PHACTR1: variants seen among roughly 807,000 people sequenced by gnomAD.
The protein encoded by PHACTR1 is phosphatase and actin regulator 1, also known as RPEL repeat containing 1.
In PHACTR1, 16 loss-of-function variants were observed where a neutral mutation model predicts 69.2. The ratio of observed to expected loss-of-function variants is 0.23; its 90% CI spans 0.16 to 0.35. The LOEUF is 0.35. PHACTR1 is among the 10% of genes least tolerant of loss of function. PHACTR1 has a pLI of 1.00. For missense variants in PHACTR1, 510 were observed against 734.7 expected, an observed-to-expected ratio of 0.69 and a Z score of 3.54; for synonymous variants, 312 against 284.5, an observed-to-expected ratio of 1.10 and a Z score of -0.97.
At chr6:12,841,299 C>G (rs368399898) in intron 4 of PHACTR1, among the ~76,000 whole-genome samples, 1 of 152,182 alleles carries the variant, frequency 6.6e-6, no homozygotes, top group East Asian at 1.9e-4. Context: ...TTGTCTCTTC[C>G]TTTTTGTTGT....
intron 8 of PHACTR1, among the ~76,000 whole-genome samples, chr6:13,218,799 G>A (rs1166815627): frequency 2.7e-5 from 4 of 148,656 alleles, no homozygotes; most frequent in Non-Finnish European, 5.9e-5. Context: ...GAAGGAGGAG[G>A]AGAAGAAGAA....
At chr6:12,821,011 T>C (rs1776142966) in intron 4 of PHACTR1, among the ~76,000 whole-genome samples, 1 of 152,218 alleles carries the variant, frequency 6.6e-6, no homozygotes, top group Non-Finnish European at 1.5e-5. Context: ...ATTTTCTTAC[T>C]GAAAAACCTG....
chr6:13,252,849 T>C (rs546163558), intron 10 of PHACTR1, among the ~76,000 whole-genome samples: 1 of 152,310 alleles, frequency 6.6e-6, no homozygotes, highest in South Asian at 2.1e-4. Context: ...ATGAGACTTT[T>C]ATTAAAGGAG....
intron 4 of PHACTR1, among the ~76,000 whole-genome samples, chr6:12,764,188 G>C (rs2127615438): frequency 6.6e-6 from 1 of 152,312 alleles, no homozygotes; most frequent in Non-Finnish European, 1.5e-5. Flanking sequence ...AGAAGGAAAT[G>C]AGAATCTTGC....
intron 4 of PHACTR1, among the ~76,000 whole-genome samples, chr6:12,902,199 G>A (rs1785273857): frequency 6.6e-6 from 1 of 152,152 alleles, no homozygotes; most frequent in African/African-American, 2.4e-5. Flanking sequence ...GAGGGAGGTG[G>A]ATCACCTGAT....
chr6:13,190,042 T>TTTA (rs1554150971), intron 7 of PHACTR1, among the ~76,000 whole-genome samples: 3 of 146,582 alleles, frequency 2.0e-5, no homozygotes, highest in East Asian at 2.0e-4. Context: ...TTTTTTTTTT[T>TTTA]AAAACAGTTT....
At chr6:13,101,142 T>C (rs1294889508) in intron 5 of PHACTR1, among the ~76,000 whole-genome samples, 2 of 152,212 alleles carry the variant, frequency 1.3e-5, no homozygotes, top group African/African-American at 4.8e-5. Context: ...TGGCTTATGG[T>C]TCTGGAGGCT....
intron 8 of PHACTR1, among the ~76,000 whole-genome samples, chr6:13,211,942 T>G (rs1766911312): frequency 6.6e-6 from 1 of 152,234 alleles, no homozygotes; most frequent in Non-Finnish European, 1.5e-5. Context: ...AATGCGTGAC[T>G]TAGATGACAG....
chr6:12,831,180 T>A (rs189446507), intron 4 of PHACTR1, among the ~76,000 whole-genome samples: 123 of 152,344 alleles, frequency 8.1e-4, no homozygotes, highest in Non-Finnish European at 1.4e-3. Flanking sequence ...TAGTAGTTGC[T>A]CAAGAAATAT....
intron 10 of PHACTR1, among the ~76,000 whole-genome samples, chr6:13,257,957 A>C (rs565992073): frequency 1.3e-5 from 2 of 152,172 alleles, no homozygotes; most frequent in Non-Finnish European, 2.9e-5. Flanking sequence ...GAGAGCACCC[A>C]GGTGATGCTG....
At chr6:12,955,394 G>T (rs941906026) in intron 4 of PHACTR1, among the ~76,000 whole-genome samples, 1 of 151,714 alleles carries the variant, frequency 6.6e-6, no homozygotes, top group African/African-American at 2.4e-5. Flanking sequence ...TTATAGCAAC[G>T]GGGTCTTGCT....
At chr6:13,122,908 C>T (rs543122658) in intron 5 of PHACTR1, among the ~76,000 whole-genome samples, 3 of 152,296 alleles carry the variant, frequency 2.0e-5, no homozygotes, top group African/African-American at 7.2e-5. Flanking sequence ...TACAAATATT[C>T]ATTCGAGGCA....
chr6:12,975,435 A>G (rs577333561), intron 4 of PHACTR1, among the ~76,000 whole-genome samples: 10 of 152,348 alleles, frequency 6.6e-5, no homozygotes, highest in Admixed American at 1.3e-4. Context: ...AAAAATCTGC[A>G]ATGAATTTTT....
chr6:12,939,665 C>T (rs955854075), intron 4 of PHACTR1, among the ~76,000 whole-genome samples: 25 of 152,110 alleles, frequency 1.6e-4, no homozygotes, highest in Admixed American at 1.5e-3. Flanking sequence ...CTCAGAGCTG[C>T]AAGCAACCTA....
intron 4 of PHACTR1, among the ~76,000 whole-genome samples, chr6:12,755,081 G>C (rs1222076497): frequency 6.6e-6 from 1 of 152,028 alleles, no homozygotes; most frequent in Non-Finnish European, 1.5e-5. Context: ...AATCTATGTT[G>C]GGTAATTAGA....
chr6:12,734,179 T>C (rs562473959), intron 3 of PHACTR1, among the ~76,000 whole-genome samples: 1 of 152,314 alleles, frequency 6.6e-6, no homozygotes, highest in Non-Finnish European at 1.5e-5. Context: ...TATTACATAA[T>C]GTTTTATCCT....
intron 4 of PHACTR1, among the ~76,000 whole-genome samples, chr6:12,960,074 A>G (rs1792492576): frequency 6.6e-6 from 1 of 152,196 alleles, no homozygotes; most frequent in South Asian, 2.1e-4. Context: ...AGTTCGGTTG[A>G]CTGAGGTTTG....
chr6:13,128,003 C>T (rs574474015), intron 5 of PHACTR1, among the ~76,000 whole-genome samples: 4 of 150,760 alleles, frequency 2.7e-5, no homozygotes, highest in East Asian at 2.0e-4. Flanking sequence ...ACATGGCGGC[C>T]GGAAGGAGAA....
chr6:12,731,940 T>C (rs928420165), intron 3 of PHACTR1, among the ~76,000 whole-genome samples: 1 of 152,144 alleles, frequency 6.6e-6, no homozygotes, highest in African/African-American at 2.4e-5. Context: ...TTTATGTCAT[T>C]ATACTCAGGT....
Sources: allele counts gnomAD v4.1 joint callset (sites outside exome capture counted in the v4.1 genomes callset), GRCh38; gene constraint gnomAD v4.1.1; transcripts MANE v1.5; gene names NCBI Gene and HGNC (gene_info 2026-07-23, HGNC 2026-07-21).